SLIT3: variants seen among roughly 807,000 people sequenced by gnomAD.
The protein encoded by SLIT3 is slit guidance ligand 3, also known as slit homolog 3 protein.
SLIT3 carries 68 observed loss-of-function variants against 184.0 expected under a neutral mutation model. That is an observed-to-expected ratio of 0.37 (90% CI 0.30 to 0.45). SLIT3 has a LOEUF of 0.45. SLIT3 is among the 20% of genes least tolerant of loss of function. The pLI is 1.00. For synonymous variants in SLIT3, 831 were observed against 828.6 expected (o/e 1.00, Z -0.05); for missense variants, 1,707 against 2,026.0 (o/e 0.84, Z 3.02).
intron 4 of SLIT3, among the ~76,000 whole-genome samples, chr5:168,912,471 A>G (rs560464830): frequency 6.6e-6 from 1 of 152,334 alleles, no homozygotes; most frequent in East Asian, 1.9e-4. Context: ...ACCAGAAAAG[A>G]AAACCAAGGA....
At chr5:169,233,905 T>C (rs1765096582) in intron 3 of SLIT3, among the ~76,000 whole-genome samples, 1 of 152,228 alleles carries the variant, frequency 6.6e-6, no homozygotes, top group Admixed American at 6.5e-5. Flanking sequence ...AGTCTAGTTC[T>C]GTTAGGAGAA....
chr5:169,040,049 C>A (rs1224320081), intron 4 of SLIT3, among the ~76,000 whole-genome samples: 1 of 152,104 alleles, frequency 6.6e-6, no homozygotes, highest in Non-Finnish European at 1.5e-5. Context: ...AATTTAGATG[C>A]CATGAGACCA....
At position 169,271,275 on chromosome 5, in the gene SLIT3, G is replaced by A. The variant is rs1766600258; in HGVS notation, c.198-19816C>T. ...AGAGGCTAACTTCGAATAAGCTATA[G>A]GGGGCTCCAGTGCAACCCACAATCC... On this transcript the variant is annotated intron_variant, in intron 1 of 35. Transcript: ENST00000519560. Among the ~76,000 whole-genome samples, 6 of 152,134 alleles carry A rather than the reference G, an allele frequency of 3.9e-5. No homozygotes were observed. The South Asian group carries it at 6.2e-4, about 16-fold the overall frequency.
chr5:169,040,300 T>C (rs1757405663), intron 4 of SLIT3, among the ~76,000 whole-genome samples: 1 of 152,242 alleles, frequency 6.6e-6, no homozygotes, highest in African/African-American at 2.4e-5. Flanking sequence ...GAGATGGCAT[T>C]GCTCATCTGT....
intron 31 of SLIT3, among the ~76,000 whole-genome samples, chr5:168,685,271 G>C (rs1387149510): frequency 6.6e-6 from 1 of 152,182 alleles, no homozygotes; most frequent in Non-Finnish European, 1.5e-5. Flanking sequence ...AAAAGTTCTC[G>C]AGGTGATTCT....
intron 3 of SLIT3, among the ~76,000 whole-genome samples, chr5:169,227,910 T>A (rs1448306584): frequency 2.6e-5 from 4 of 152,290 alleles, no homozygotes; most frequent in African/African-American, 9.6e-5. Context: ...ATCTTCAAGA[T>A]GATGTCTAAA....
chr5:168,814,241 C>G (rs1029313258), intron 8 of SLIT3, among the ~76,000 whole-genome samples: 1 of 152,034 alleles, frequency 6.6e-6, no homozygotes, highest in Admixed American at 6.5e-5. Context: ...ACTAAAAATA[C>G]AAAAAATTAG....
At chr5:168,792,516 G>A (rs776605279) in intron 10 of SLIT3, among the ~76,000 whole-genome samples, 1 of 152,144 alleles carries the variant, frequency 6.6e-6, no homozygotes, top group African/African-American at 2.4e-5. Flanking sequence ...ACCAAGAAGG[G>A]GTAGCTTTTC....
intron 20 of SLIT3, among the ~76,000 whole-genome samples, chr5:168,737,664 A>G (rs10516049): frequency 0.15 from 23,043 of 152,238 alleles, 2,318 homozygotes; most frequent in Non-Finnish European, 0.22. Flanking sequence ...ATGTCTAAAC[A>G]TCATGGATAT....
At chr5:169,199,848 TA>T (rs906291531) in intron 3 of SLIT3, among the ~76,000 whole-genome samples, 21 of 152,158 alleles carry the variant, frequency 1.4e-4, no homozygotes, top group African/African-American at 5.1e-4. Flanking sequence ...GAAATACAAC[TA>T]AAAAGTCCTT....
intron 30 of SLIT3, 124 bp from the exon 31 acceptor site, chr5:168,686,051 A>G: frequency 8.8e-7 from 1 of 1,137,892 alleles, no homozygotes; most frequent in South Asian, 1.9e-5. Context: ...CACTAGTTCT[A>G]GGGGCTAGTT....
chr5:168,834,210 G>A (rs1757968726), intron 6 of SLIT3, among the ~76,000 whole-genome samples: 1 of 152,176 alleles, frequency 6.6e-6, no homozygotes, highest in Admixed American at 6.5e-5. Flanking sequence ...AGGCAGGGGA[G>A]TGATTTTCTT....
intron 4 of SLIT3, among the ~76,000 whole-genome samples, chr5:169,175,301 T>A (rs541000603): frequency 1.3e-5 from 2 of 152,302 alleles, no homozygotes; most frequent in East Asian, 3.9e-4. Context: ...AACAAAATTA[T>A]GGACCTATGT....
intron 4 of SLIT3, among the ~76,000 whole-genome samples, chr5:168,911,881 G>A (rs756713392): frequency 6.6e-6 from 1 of 152,230 alleles, no homozygotes; most frequent in Non-Finnish European, 1.5e-5. Context: ...CACTGCATGA[G>A]TAAAATGTTG....
intron 3 of SLIT3, among the ~76,000 whole-genome samples, chr5:169,202,414 A>G (rs1166968579): frequency 6.6e-6 from 1 of 152,138 alleles, no homozygotes; most frequent in African/African-American, 2.4e-5. Context: ...ACACTGTTAC[A>G]GTCATTAAGA....
intron 4 of SLIT3, among the ~76,000 whole-genome samples, chr5:168,930,301 G>A (rs1045158166): frequency 7.9e-5 from 12 of 152,200 alleles, no homozygotes; most frequent in African/African-American, 2.9e-4. Flanking sequence ...GTGAGGAGGA[G>A]AGTAAACCCT....
intron 4 of SLIT3, among the ~76,000 whole-genome samples, chr5:168,957,585 G>A (rs191835658): frequency 1.3e-5 from 2 of 152,200 alleles, no homozygotes; most frequent in African/African-American, 4.8e-5. Context: ...TCCCAGGCCC[G>A]CTTTGAATAG....
intron 4 of SLIT3, among the ~76,000 whole-genome samples, chr5:169,192,220 T>C (rs1763576961): frequency 6.6e-6 from 1 of 151,906 alleles, no homozygotes; most frequent in African/African-American, 2.4e-5. Context: ...AAAAGGAGGG[T>C]ATAGCCTTTC....
At chr5:168,820,940 C>A (rs1406627214) in intron 7 of SLIT3, among the ~76,000 whole-genome samples, 1 of 152,116 alleles carries the variant, frequency 6.6e-6, no homozygotes, top group African/African-American at 2.4e-5. Context: ...CGCTTCTCCA[C>A]CACCACCAGC....
Sources: gnomAD v4.1 joint callset for allele counts (sites outside exome capture counted in the v4.1 genomes callset) on GRCh38, gnomAD v4.1.1 for gene constraint, MANE v1.5 for transcripts, NCBI Gene and HGNC (gene_info 2026-07-23, HGNC 2026-07-21) for gene names.